The following ADAMTS16 variants were observed in gnomAD, a reference collection of about 807,000 sequenced individuals.
The protein encoded by ADAMTS16 is ADAM metallopeptidase with thrombospondin type 1 motif 16, also known as A disintegrin and metalloproteinase with thrombospondin motifs 16.
In ADAMTS16, 94 loss-of-function variants were observed where a neutral mutation model predicts 145.8. The ratio of observed to expected loss-of-function variants is 0.64; its 90% CI spans 0.55 to 0.77. ADAMTS16 has a LOEUF of 0.77. Among genes scored for constraint, ADAMTS16 ranks in the 30% least tolerant of loss-of-function variants. The pLI, the probability that ADAMTS16 is intolerant of heterozygous loss-of-function variation, is 0.00. For missense variants in ADAMTS16, 1,585 were observed against 1,591.5 expected, an observed-to-expected ratio of 1.00 and a Z score of 0.07; for synonymous variants, 659 against 604.3, an observed-to-expected ratio of 1.09 and a Z score of -1.33.
chr5:5,143,588 A>G (rs1456918584), intron 2 of ADAMTS16, among the ~76,000 whole-genome samples: 1 of 152,238 alleles, frequency 6.6e-6, no homozygotes, highest in Non-Finnish European at 1.5e-5. Flanking sequence ...TCAAGGATCT[A>G]GAACAAGAAA....
At chr5:5,182,523 G>A (rs1735371038) in intron 4 of ADAMTS16, among the ~76,000 whole-genome samples, 2 of 152,178 alleles carry the variant, frequency 1.3e-5, no homozygotes, top group South Asian at 2.1e-4. Context: ...GGTAAATGAT[G>A]TCTTTTTAAG....
chr5:5,155,663 T>G (rs1034145262), intron 3 of ADAMTS16, among the ~76,000 whole-genome samples: 4 of 152,140 alleles, frequency 2.6e-5, no homozygotes, highest in Admixed American at 6.5e-5. Flanking sequence ...GTTCTTTAAG[T>G]AAGCTACAAA....
intron 8 of ADAMTS16, among the ~76,000 whole-genome samples, chr5:5,198,435 C>T (rs571963541): frequency 6.6e-6 from 1 of 152,270 alleles, no homozygotes; most frequent in East Asian, 1.9e-4. Flanking sequence ...TATTTGCACG[C>T]CAGATTTCCT....
rs35767796 is a variant in ADAMTS16, at chr5:5,242,175, C to T, written c.2646C>T (p.Ser882=). ...YTWAIVRSEC[S]VSCGGGQMTV... ...GGGCCATCGTGCGCTCTGAGTGCTC[C>T]GTGTCCTGCGGAGGGGGTAGGTGCC... The change falls in exon 17 of 23, where the codon TCC becomes TCT. Residue 882 remains serine, a synonymous_variant. Transcript: ENST00000274181. 5.5e-4 allele frequency: 886 copies of T among 1,613,930 alleles called. No individual in the cohort carries two copies. The highest frequency in any genetic ancestry group is 7.0e-4 in the Non-Finnish European group (824 of 1,179,994).
chr5:5,233,233 C>G (rs1425633627), intron 12 of ADAMTS16, among the ~76,000 whole-genome samples: 7 of 152,136 alleles, frequency 4.6e-5, no homozygotes, highest in Admixed American at 2.0e-4. Flanking sequence ...AATATATTTA[C>G]CTTCACAACA....
At position 5,319,065 on chromosome 5, in the gene ADAMTS16, C is replaced by T. The variant is rs1208190969; in HGVS notation, c.3602C>T (p.Pro1201Leu). The T allele has an allele frequency of 1.2e-6, 2 of 1,613,406 alleles. No homozygotes were observed. Among genetic ancestry groups the T allele is most frequent in the African/African-American group, 1.3e-5 (1 of 74,930 alleles). ...KDYFHWCYLV[P>L]QHGMCSHKFY... The stretch of plus-strand genomic sequence containing the variant: ...TACTTCCACTGGTGCTACCTGGTAC[C>T]CCAGCACGGGATGTGCAGCCACAAG... The change falls in exon 23 of 23, where the codon CCC becomes CTC. Residue 1201 changes from proline (P) to leucine (L), a missense_variant. By Grantham distance (98) the Pro-to-Leu change is moderately conservative (BLOSUM62 -3). Coordinates refer to ENST00000274181, the MANE Select transcript of ADAMTS16 (RefSeq NM_139056.4).
chr5:5,269,577 G>C lies in ADAMTS16; in HGVS notation c.2789+6794G>C, dbSNP rs925525755. 6.6e-6 allele frequency among the ~76,000 whole-genome samples: 1 copy of C among 152,108 alleles called. No homozygotes were observed. Among genetic ancestry groups the C allele is most frequent in the Non-Finnish European group, 1.5e-5 (1 of 68,040 alleles). On this transcript the variant is annotated intron_variant, in intron 18 of 22. Transcript: ENST00000274181. This position sits in a 1 kb window ranked among gnomAD's most constrained non-coding sequence, Gnocchi z 4.3. ...CCCTTCCTCTTGCCAGAATCTCCCT[G>C]TGCCTCCAACCCCGCTGCTCTGCCC...
intron 18 of ADAMTS16, among the ~76,000 whole-genome samples, chr5:5,293,355 T>G (rs1421405647): frequency 6.6e-6 from 1 of 152,202 alleles, no homozygotes; most frequent in Non-Finnish European, 1.5e-5. Flanking sequence ...GTGGGCAAAG[T>G]GGCTTCCTAC....
At chr5:5,279,910 CTTTCTTTA>C (rs1283840967) in intron 18 of ADAMTS16, among the ~76,000 whole-genome samples, 3 of 4,864 alleles carry the variant, frequency 6.2e-4, no homozygotes, top group Admixed American at 3.5e-3. Context: ...CTTTTCTTTT[CTTTCTTTA>C]TTTCTCTTTT....
At chr5:5,244,981 G>A (rs1445129744) in intron 17 of ADAMTS16, among the ~76,000 whole-genome samples, 1 of 152,162 alleles carries the variant, frequency 6.6e-6, no homozygotes, top group Non-Finnish European at 1.5e-5. Context: ...TTCACTGAAT[G>A]TTAATTACAG....
At chr5:5,188,017 T>C (rs1463453955) in intron 6 of ADAMTS16, among the ~76,000 whole-genome samples, 12 of 152,180 alleles carry the variant, frequency 7.9e-5, no homozygotes, top group Admixed American at 7.9e-4. Flanking sequence ...GCAAAAGTGG[T>C]AAGAAATTAT....
intron 17 of ADAMTS16, among the ~76,000 whole-genome samples, chr5:5,251,860 T>G (rs2126410212): frequency 6.6e-6 from 1 of 152,226 alleles, no homozygotes; most frequent in East Asian, 1.9e-4. Flanking sequence ...TCGGTGCTTT[T>G]TTTTTCTTTT....
chr5:5,293,748 G>A (rs944479549), intron 18 of ADAMTS16, among the ~76,000 whole-genome samples: 20 of 152,238 alleles, frequency 1.3e-4, no homozygotes, highest in Admixed American at 2.0e-4. Context: ...CAAATTGAGC[G>A]TTTGGTAAAA....
rs753695721 is a variant in ADAMTS16 at position 5,306,776 on chromosome 5, C to T, written c.3411+48C>T. 23 of 1,507,918 alleles carry T rather than the reference C, an allele frequency of 1.5e-5. No homozygotes were observed. The African/African-American group carries it at 1.5e-4, about 10-fold the overall frequency. The allele number at this position is 1,507,918 out of a possible 1,614,324, so 93.4% of individuals were successfully genotyped here. ...GGAGAGTGGGCGAGCACAGCTTGGCCTGGGGTTGGCCGCTGGCTCCCGGGG... is the reference window on the plus strand; with the variant it reads ...GGAGAGTGGGCGAGCACAGCTTGGCTTGGGGTTGGCCGCTGGCTCCCGGGG... On this transcript the variant is annotated intron_variant, in intron 21 of 22. Coordinates refer to ENST00000274181, the MANE Select transcript of ADAMTS16 (RefSeq NM_139056.4).
intron 18 of ADAMTS16, among the ~76,000 whole-genome samples, chr5:5,296,838 C>T (rs1434062861): frequency 3.3e-5 from 5 of 152,152 alleles, no homozygotes; most frequent in Non-Finnish European, 7.3e-5. Flanking sequence ...AGGTCTAGAT[C>T]GTTAGGTTGC....
intron 2 of ADAMTS16, among the ~76,000 whole-genome samples, chr5:5,142,984 G>A (rs1304768139): frequency 6.6e-6 from 1 of 152,156 alleles, no homozygotes; most frequent in African/African-American, 2.4e-5. Context: ...AAATGGTGCT[G>A]GGAAAGCTGG....
At chr5:5,227,809 T>C (rs2126359343) in intron 11 of ADAMTS16, among the ~76,000 whole-genome samples, 1 of 152,266 alleles carries the variant, frequency 6.6e-6, no homozygotes, top group African/African-American at 2.4e-5. Context: ...ATACAAGGAA[T>C]TGCAACAGTC....
chr5:5,207,945 T>G (rs1736174097), intron 9 of ADAMTS16, among the ~76,000 whole-genome samples: 1 of 152,164 alleles, frequency 6.6e-6, no homozygotes, highest in African/African-American at 2.4e-5. Context: ...TGTTGAGAAT[T>G]TTTGTATCGA....
intron 10 of ADAMTS16, among the ~76,000 whole-genome samples, chr5:5,215,748 GGT>G (rs1224977841): frequency 7.7e-4 from 109 of 142,254 alleles, no homozygotes; most frequent in African/African-American, 2.6e-3. Flanking sequence ...ATATATATGT[GGT>G]GTATATATAT....
Sources: gnomAD v4.1 joint callset for allele counts (sites outside exome capture counted in the v4.1 genomes callset) on GRCh38, gnomAD v4.1.1 for gene constraint, Gnocchi (gnomAD v3.1) non-coding constraint, MANE v1.5 for transcripts, NCBI Gene and HGNC (gene_info 2026-07-23, HGNC 2026-07-21) for gene names.